PRMT3: variants seen among roughly 807,000 people sequenced by gnomAD.
PRMT3 encodes protein arginine N-methyltransferase 3.
PRMT3 carries 62 observed loss-of-function variants against 71.9 expected under a neutral mutation model. That is an observed-to-expected ratio of 0.86 (90% confidence interval 0.70 to 1.07). The LOEUF is 1.07. Among genes scored for constraint, PRMT3 ranks in the 50% least tolerant of loss-of-function variants. The probability of loss-of-function intolerance (pLI) is 0.00; values close to 1 mark genes in which losing one functional copy is unlikely to be tolerated. For synonymous variants in PRMT3, 213 were observed against 220.4 expected, an observed-to-expected ratio of 0.97 and a Z score of 0.30; for missense variants, 663 against 643.0, an observed-to-expected ratio of 1.03 and a Z score of -0.34.
At chr11:20,427,106 A>G (rs895412162) in intron 10 of PRMT3, among the ~76,000 whole-genome samples, 3 of 152,146 alleles carry the variant, frequency 2.0e-5, no homozygotes, top group Non-Finnish European at 2.9e-5. Flanking sequence ...GTGATAAATT[A>G]TCTTTTTTAT....
At chr11:20,488,833 A>G (rs1369030175) in intron 13 of PRMT3, among the ~76,000 whole-genome samples, 2 of 152,204 alleles carry the variant, frequency 1.3e-5, no homozygotes, top group Admixed American at 1.3e-4. Flanking sequence ...AAATGAGTGT[A>G]TATTAAATGA....
intron 10 of PRMT3, among the ~76,000 whole-genome samples, chr11:20,433,567 C>G (rs1849699862): frequency 6.6e-6 from 1 of 152,044 alleles, no homozygotes; most frequent in South Asian, 2.1e-4. Flanking sequence ...TTTTATTTCT[C>G]TGGGTATATA....
intron 9 of PRMT3, among the ~76,000 whole-genome samples, chr11:20,412,407 C>G (rs529320080): frequency 3.5e-5 from 5 of 144,104 alleles, no homozygotes; most frequent in East Asian, 4.0e-4. Context: ...ACCCCCCCCC[C>G]ACCTTTGTTT....
chr11:20,464,374 G>T (rs1194360437), intron 12 of PRMT3, 86 bp from the exon 13 acceptor site: 8 of 1,455,732 alleles, frequency 5.5e-6, no homozygotes, highest in East Asian at 2.4e-5. Flanking sequence ...AGTAATGTTT[G>T]TCTGGGTTGT....
chr11:20,464,985 CTAA>C lies in PRMT3; in HGVS notation c.1347+447_1347+449del, dbSNP rs138168332. ...TGCTATTGAGTTACCTTTCAAAAAT[CTAA>C]TAATAATTTAATAGTCTAATAGAAA... On this transcript the variant is annotated intron_variant, in intron 13 of 15. Transcript: ENST00000331079. Among the ~76,000 whole-genome samples, 800 of 152,164 alleles carry C rather than the reference CTAA, an allele frequency of 5.3e-3. 3 individuals carry two copies. The highest frequency in any genetic ancestry group is 8.4e-3 in the Non-Finnish European group (570 of 67,984).
intron 9 of PRMT3, among the ~76,000 whole-genome samples, chr11:20,414,025 T>G (rs1201988817): frequency 1.3e-5 from 2 of 152,124 alleles, no homozygotes; most frequent in African/African-American, 2.4e-5. Context: ...TACATAGTCT[T>G]TTATTCCTTC....
Position 20,462,958 on chromosome 11 carries a change from C to T in PRMT3, c.1260+791C>T, listed in dbSNP as rs1047838057. Reference sequence around the variant, plus strand: ...TCGGCTCACTGCAATCTCCGCCTCCCGTGTTCAAGCGATTCCCCTGCCTCA... The same window carrying T: ...TCGGCTCACTGCAATCTCCGCCTCCTGTGTTCAAGCGATTCCCCTGCCTCA... On this transcript the variant is annotated intron_variant, in intron 12 of 15. Transcript: ENST00000331079. Among the ~76,000 whole-genome samples the T allele has an allele frequency of 3.3e-5, 5 of 152,158 alleles. No individual in the cohort carries two copies. The South Asian group carries it at 6.2e-4, about 19-fold the overall frequency.
intron 10 of PRMT3, among the ~76,000 whole-genome samples, chr11:20,445,224 C>T (rs560478639): frequency 3.1e-4 from 47 of 151,982 alleles, no homozygotes; most frequent in African/African-American, 1.1e-3. Flanking sequence ...GTATGAAAAA[C>T]TATTGTCTTT....
rs564259502 is a variant in PRMT3, at chr11:20,440,318, G to A, written c.994-11812G>A. ...CTGCATGAGCTATGATTGCACCACT[G>A]CCCTCCAGCCTGGGCAACAGAGCGA... is the stretch of plus-strand genomic sequence containing the variant. On this transcript the variant is annotated intron_variant, in intron 10 of 15. Coordinates refer to ENST00000331079, the MANE Select transcript of PRMT3 (RefSeq NM_005788.4). Among the ~76,000 whole-genome samples the A allele has an allele frequency of 2.6e-5, 4 of 152,164 alleles. No individual in the cohort carries two copies. In the East Asian group the frequency reaches 5.8e-4, roughly 22 times the overall value.
chr11:20,415,998 C>A (rs1409444636), intron 9 of PRMT3, among the ~76,000 whole-genome samples: 1 of 152,208 alleles, frequency 6.6e-6, no homozygotes, highest in Non-Finnish European at 1.5e-5. Flanking sequence ...CTTTACCCAA[C>A]ATACCTGTTG....
At chr11:20,442,910 A>G (rs1281194374) in intron 10 of PRMT3, among the ~76,000 whole-genome samples, 1 of 152,166 alleles carries the variant, frequency 6.6e-6, no homozygotes, top group East Asian at 1.9e-4. Context: ...CAAAGGGTTA[A>G]TGAGGGCTGG....
intron 5 of PRMT3, among the ~76,000 whole-genome samples, chr11:20,395,418 A>T (rs1410275768): frequency 6.6e-6 from 1 of 152,016 alleles, no homozygotes; most frequent in African/African-American, 2.4e-5. Flanking sequence ...ATCACAGCTC[A>T]CTGCAACCTC....
chr11:20,394,929 C>A (rs1437419691), intron 5 of PRMT3, among the ~76,000 whole-genome samples: 1 of 152,082 alleles, frequency 6.6e-6, no homozygotes, highest in African/African-American at 2.4e-5. Flanking sequence ...GAATTTAATA[C>A]CTGCTACAAT....
intron 13 of PRMT3, among the ~76,000 whole-genome samples, chr11:20,468,126 G>T (rs1850555997): frequency 6.6e-6 from 1 of 152,178 alleles, no homozygotes; most frequent in Non-Finnish European, 1.5e-5. Flanking sequence ...AAAAAGCCTA[G>T]TAAAGGAATA....
At position 20,397,736 on chromosome 11, in the gene PRMT3, CA is replaced by C. The variant is rs752399149; in HGVS notation, c.705+18del. ...AAATGCTAAAGGTTAGAAAAGAACA[CA>C]AATGCGTCAAATCCATACTAAAGGA... On this transcript the variant is annotated intron_variant, in intron 7 of 15. Transcript: ENST00000331079. 3.7e-6 allele frequency: 6 copies of C among 1,612,360 alleles called. No individual in the cohort carries two copies. The African/African-American group carries it at 8.0e-5, about 22-fold the overall frequency.
intron 15 of PRMT3, among the ~76,000 whole-genome samples, chr11:20,502,303 C>T (rs1201672965): frequency 6.6e-6 from 1 of 152,184 alleles, no homozygotes; most frequent in African/African-American, 2.4e-5. Flanking sequence ...TAGGTCTGAA[C>T]AATTGAAGGG....
intron 9 of PRMT3, among the ~76,000 whole-genome samples, chr11:20,418,487 T>C (rs1206497604): frequency 6.6e-6 from 1 of 152,242 alleles, no homozygotes; most frequent in Non-Finnish European, 1.5e-5. Context: ...CTTGTTATAG[T>C]CATATTTGAA....
rs571437960 is a variant in PRMT3 at position 20,501,467 on chromosome 11, A to G, written c.1487-6837A>G. On this transcript the variant is annotated intron_variant, in intron 15 of 15. Transcript: ENST00000331079. The stretch of plus-strand genomic sequence containing the variant: ...GTGTTACCAGAAATTTCATCATACT[A>G]TTGCACTTGAGCAGGTTAATATTCA... 1.1e-4 allele frequency among the ~76,000 whole-genome samples: 16 copies of G among 152,248 alleles called. No individual in the cohort carries two copies. In the South Asian group the frequency reaches 2.9e-3, roughly 28 times the overall value.
At chr11:20,478,652 T>C (rs905218745) in intron 13 of PRMT3, among the ~76,000 whole-genome samples, 1 of 152,188 alleles carries the variant, frequency 6.6e-6, no homozygotes, top group African/African-American at 2.4e-5. Flanking sequence ...GCTAATGCAA[T>C]TGCTATTAAA....
Sources: allele counts gnomAD v4.1 joint callset (sites outside exome capture counted in the v4.1 genomes callset), GRCh38; gene constraint gnomAD v4.1.1; transcripts MANE v1.5; gene names NCBI Gene and HGNC (gene_info 2026-07-23, HGNC 2026-07-21).